The following FSTL4 variants were observed in gnomAD, a reference collection of about 807,000 sequenced individuals.
FSTL4 encodes follistatin like 4.
In FSTL4, 28 loss-of-function variants were observed where a neutral mutation model predicts 78.2. The observed-to-expected ratio is 0.36, with a 90% CI of 0.27 to 0.49. The LOEUF is 0.49. FSTL4 is among the 20% of genes least tolerant of loss of function. The pLI, the probability that FSTL4 is intolerant of heterozygous loss-of-function variation, is 0.98. For synonymous variants in FSTL4, 422 were observed against 440.5 expected (o/e 0.96, Z 0.53); for missense variants, 922 against 1,084.9 (o/e 0.85, Z 2.11).
the FSTL4 span, among the ~76,000 whole-genome samples, chr5:133,727,190 G>T: frequency 1.3e-5 from 2 of 152,096 alleles, no homozygotes; most frequent in East Asian, 1.9e-4. Context: ...AAATGGAAAA[G>T]CTCCAGCAGG....
intron 3 of FSTL4, 61 bp from the exon 4 acceptor site, chr5:133,401,047 G>C (rs1756213507): frequency 1.3e-6 from 2 of 1,580,872 alleles, no homozygotes; most frequent in African/African-American, 2.7e-5. Flanking sequence ...GGGGTCGAGG[G>C]CTTCCTTTGT....
At chr5:133,782,286 A>G in the FSTL4 span, among the ~76,000 whole-genome samples, 1 of 152,266 alleles carries the variant, frequency 6.6e-6, no homozygotes, top group Non-Finnish European at 1.5e-5. Context: ...GCTGTTAACA[A>G]AAATATGTAC....
chr5:133,283,108 C>T (rs1753047940), intron 6 of FSTL4, among the ~76,000 whole-genome samples: 1 of 152,174 alleles, frequency 6.6e-6, no homozygotes, highest in Non-Finnish European at 1.5e-5. Flanking sequence ...AAACCTGCTG[C>T]TCACCTCTGA....
intron 3 of FSTL4, among the ~76,000 whole-genome samples, chr5:133,512,502 A>T (rs999288663): frequency 1.3e-5 from 2 of 152,226 alleles, no homozygotes; most frequent in African/African-American, 2.4e-5. Flanking sequence ...ACATAGAATA[A>T]TGTGGGTAAT....
intron 3 of FSTL4, among the ~76,000 whole-genome samples, chr5:133,506,475 G>A (rs1445567246): frequency 6.6e-6 from 1 of 152,174 alleles, no homozygotes; most frequent in East Asian, 1.9e-4. Flanking sequence ...TTGGTCTGAT[G>A]AGCAGGGAGG....
intron 3 of FSTL4, among the ~76,000 whole-genome samples, chr5:133,422,866 C>T (rs1449939600): frequency 1.3e-5 from 2 of 152,348 alleles, no homozygotes; most frequent in Non-Finnish European, 1.5e-5. Flanking sequence ...CAGACCACTT[C>T]AAAACTCTTG....
intron 4 of FSTL4, among the ~76,000 whole-genome samples, chr5:133,350,477 C>G (rs890631104): frequency 2.0e-5 from 3 of 152,242 alleles, no homozygotes; most frequent in Admixed American, 2.0e-4. Flanking sequence ...ACTACCTCCC[C>G]TGGTTCTTCA....
chr5:133,800,932 TGGGAGGTG>T, the FSTL4 span, among the ~76,000 whole-genome samples: 100 of 142,508 alleles, frequency 7.0e-4, no homozygotes, highest in African/African-American at 2.2e-3. Flanking sequence ...CAGGCACCGG[TGGGAGGTG>T]GGGAGGTGGG....
intron 4 of FSTL4, among the ~76,000 whole-genome samples, chr5:133,362,090 A>C (rs755957140): frequency 6.6e-6 from 1 of 152,206 alleles, no homozygotes; most frequent in Non-Finnish European, 1.5e-5. Flanking sequence ...ACAGTTGTTC[A>C]TCATTATCTC....
At chr5:133,830,112 C>G in the FSTL4 span, among the ~76,000 whole-genome samples, 1 of 152,218 alleles carries the variant, frequency 6.6e-6, no homozygotes, top group South Asian at 2.1e-4. Context: ...AGCATGTCCT[C>G]ACATCAGTGG....
At chr5:133,743,092 C>T in the FSTL4 span, among the ~76,000 whole-genome samples, 1 of 152,128 alleles carries the variant, frequency 6.6e-6, no homozygotes, top group African/African-American at 2.4e-5. Context: ...GAAAAAAATT[C>T]CTTCTGCCTC....
At chr5:133,660,459 C>A in the FSTL4 span, among the ~76,000 whole-genome samples, 1 of 152,218 alleles carries the variant, frequency 6.6e-6, no homozygotes, top group Admixed American at 6.5e-5. Flanking sequence ...ACTGGCCTTA[C>A]CTGCTGCCCT....
At chr5:133,567,505 C>T (rs1381897953) in intron 2 of FSTL4, among the ~76,000 whole-genome samples, 1 of 152,176 alleles carries the variant, frequency 6.6e-6, no homozygotes, top group African/African-American at 2.4e-5. Context: ...TGGGCTGGTA[C>T]CAAGTGTTAA....
chr5:133,746,766 A>C, the FSTL4 span, among the ~76,000 whole-genome samples: 2 of 152,212 alleles, frequency 1.3e-5, no homozygotes, highest in African/African-American at 4.8e-5. Context: ...AAAGACATTT[A>C]GGTCTATCCT....
At chr5:133,395,505 G>A (rs950176158) in intron 4 of FSTL4, among the ~76,000 whole-genome samples, 1 of 152,216 alleles carries the variant, frequency 6.6e-6, no homozygotes. Flanking sequence ...GCGCGGGTCC[G>A]CGGCTTCATT....
chr5:133,331,971 C>A (rs1020358014), intron 4 of FSTL4, among the ~76,000 whole-genome samples: 1 of 152,166 alleles, frequency 6.6e-6, no homozygotes, highest in South Asian at 2.1e-4. Context: ...CGGTGCCAGG[C>A]GGAACGTGTG....
At chr5:133,838,645 TG>T in the FSTL4 span, among the ~76,000 whole-genome samples, 1 of 151,182 alleles carries the variant, frequency 6.6e-6, no homozygotes, top group Non-Finnish European at 1.5e-5. Context: ...CCCTGTAACT[TG>T]CTACCACATG....
chr5:133,682,198 C>T, the FSTL4 span, among the ~76,000 whole-genome samples: 1 of 152,206 alleles, frequency 6.6e-6, no homozygotes, highest in Non-Finnish European at 1.5e-5. Context: ...TCAGACATGA[C>T]ATCCATCAGA....
intron 13 of FSTL4, among the ~76,000 whole-genome samples, chr5:133,216,378 C>T (rs1269464523): frequency 1.3e-5 from 2 of 151,328 alleles, no homozygotes; most frequent in Non-Finnish European, 2.9e-5. Context: ...GCAACCTCCA[C>T]CTCCCGGGTT....
Sources: allele counts gnomAD v4.1 joint callset (sites outside exome capture counted in the v4.1 genomes callset), GRCh38; gene constraint gnomAD v4.1.1; transcripts MANE v1.5; gene names NCBI Gene and HGNC (gene_info 2026-07-23, HGNC 2026-07-21).